SEPTIN9: variants seen among roughly 807,000 people sequenced by gnomAD.
SEPTIN9 encodes the protein septin 9, also known as septin-9.
A neutral mutation model predicts 56.6 loss-of-function variants in SEPTIN9; 13 were observed. The observed-to-expected ratio is 0.23, with a 90% CI of 0.15 to 0.37. SEPTIN9 has a LOEUF of 0.37. SEPTIN9 is among the 10% of genes least tolerant of loss of function. The pLI is 1.00. For synonymous variants in SEPTIN9, 332 were observed against 334.1 expected (o/e 0.99, Z 0.07); for missense variants, 650 against 823.1 (o/e 0.79, Z 2.57).
At chr17:77,316,853 C>T (rs1420755943) in intron 2 of SEPTIN9, among the ~76,000 whole-genome samples, 7 of 152,072 alleles carry the variant, frequency 4.6e-5, no homozygotes, top group Non-Finnish European at 1.0e-4. Flanking sequence ...ATTACAGGCA[C>T]GTGCCACCTT....
At chr17:77,328,611 C>T (rs2033235499) in intron 2 of SEPTIN9, among the ~76,000 whole-genome samples, 1 of 152,202 alleles carries the variant, frequency 6.6e-6, no homozygotes, top group Non-Finnish European at 1.5e-5. Flanking sequence ...AGTGATCCAC[C>T]CAGCTTGGCC....
intron 1 of SEPTIN9, among the ~76,000 whole-genome samples, chr17:77,285,537 A>C (rs921785077): frequency 6.6e-6 from 1 of 152,194 alleles, no homozygotes; most frequent in Non-Finnish European, 1.5e-5. Flanking sequence ...AGCTGGGATT[A>C]CAGGCATGTG....
chr17:77,495,786 C>T (rs906460101), intron 10 of SEPTIN9, among the ~76,000 whole-genome samples: 8 of 152,212 alleles, frequency 5.3e-5, no homozygotes, highest in African/African-American at 1.7e-4. Context: ...CAAAGGCAAC[C>T]GGCATAGCAC....
chr17:77,359,955 A>G (rs918930182), intron 2 of SEPTIN9, among the ~76,000 whole-genome samples: 1 of 152,132 alleles, frequency 6.6e-6, no homozygotes, highest in Non-Finnish European at 1.5e-5. Flanking sequence ...ACCTGAGGTC[A>G]GGAGTTTGAG....
At chr17:77,356,406 G>GT (rs2034240562) in intron 2 of SEPTIN9, among the ~76,000 whole-genome samples, 1 of 151,832 alleles carries the variant, frequency 6.6e-6, no homozygotes, top group Admixed American at 6.6e-5. Flanking sequence ...CGGGTTGAGT[G>GT]TAACTCCCAG....
At chr17:77,484,942 A>G (rs909739340) in intron 4 of SEPTIN9, among the ~76,000 whole-genome samples, 120 of 2,550 alleles carry the variant, frequency 0.047, 1 homozygote, top group South Asian at 0.062. Context: ...TGGTGATGGG[A>G]GTGATGCTGG....
At chr17:77,447,094 GCTTT>G (rs1361684881) in intron 3 of SEPTIN9, 4 of 167,064 alleles carry the variant, frequency 2.4e-5, no homozygotes, top group Non-Finnish European at 2.9e-5. Flanking sequence ...CCACCAGAAT[GCTTT>G]CTGTCTCCAT....
intron 1 of SEPTIN9, among the ~76,000 whole-genome samples, chr17:77,286,061 C>T (rs1056436292): frequency 1.3e-5 from 2 of 152,260 alleles, no homozygotes; most frequent in African/African-American, 4.8e-5. Flanking sequence ...CTCCTCACGT[C>T]CAAGCTTGTC....
Position 77,498,821 on chromosome 17 carries a change from G to A in SEPTIN9, c.*163G>A. 1.6e-6 allele frequency: 1 copy of A among 633,226 alleles called. No individual in the cohort carries two copies. Among genetic ancestry groups the A allele is most frequent in the Non-Finnish European group, 2.9e-6 (1 of 343,480 alleles). 39.2% of individuals were successfully genotyped at this position (633,226 alleles called of 1,614,324 possible). On this transcript the variant is annotated 3_prime_UTR_variant, in exon 12 of 12. Transcript: ENST00000427177. ...AACAAGGGAAGGGGCCTCCCTCCGA[G>A]TGAGTCAGTGATGAGGCCGCGGCCT...
In SEPTIN9 at chr17:77,388,810, C is replaced by CTTTTTTTTTTTTT. The variant is rs5822196; in HGVS notation, c.77-13237_77-13225dup. ...GCCAAGTGGCCCCTGGTGTTAGGCG[C>CTTTTTTTTTTTTT]TTTTTTTTTTTTTTTTTTTTTTTTG... On this transcript the variant is annotated intron_variant, in intron 2 of 11. Transcript: ENST00000427177. 2.4e-3 allele frequency among the ~76,000 whole-genome samples: 186 copies of CTTTTTTTTTTTTT among 78,032 alleles called. 2 individuals carry two copies. Among genetic ancestry groups the CTTTTTTTTTTTTT allele is most frequent in the East Asian group, 6.5e-3 (11 of 1,700 alleles). 51.2% of individuals were successfully genotyped at this position (78,032 alleles called of 152,430 possible). A position where few individuals can be genotyped will look rare whatever the true frequency, so the allele number is the denominator to read the frequency against.
intron 3 of SEPTIN9, among the ~76,000 whole-genome samples, chr17:77,412,645 G>C (rs1310309500): frequency 6.6e-6 from 1 of 151,986 alleles, no homozygotes; most frequent in Non-Finnish European, 1.5e-5. Flanking sequence ...AGGATCATTT[G>C]AGTCTGGGAG....
At chr17:77,477,888 G>C (rs1047584150) in intron 3 of SEPTIN9, among the ~76,000 whole-genome samples, 1 of 152,146 alleles carries the variant, frequency 6.6e-6, no homozygotes. Flanking sequence ...CTGGATACCC[G>C]AAAGAATGGA....
chr17:77,482,910 GC>G (rs1035269315), intron 4 of SEPTIN9: 4 of 255,008 alleles, frequency 1.6e-5, no homozygotes, highest in Non-Finnish European at 3.0e-5. Context: ...TGTTTCCAAA[GC>G]CCCCCAGGTC....
At chr17:77,477,941 C>G (rs1318321429) in intron 3 of SEPTIN9, among the ~76,000 whole-genome samples, 2 of 152,104 alleles carry the variant, frequency 1.3e-5, no homozygotes. Context: ...GTGTTCGTAG[C>G]AGGGCGAGGC....
Position 77,435,321 on chromosome 17 carries a change from C to T in SEPTIN9, c.721+32618C>T, listed in dbSNP as rs573707087. Among the ~76,000 whole-genome samples the T allele has an allele frequency of 1.5e-4, 23 of 152,270 alleles. No homozygotes were observed. The South Asian group carries it at 2.9e-3, about 19-fold the overall frequency. On this transcript the variant is annotated intron_variant, in intron 3 of 11. Coordinates refer to ENST00000427177, the MANE Select transcript of SEPTIN9 (RefSeq NM_001113491.2). This position sits in a 1 kb window ranked among gnomAD's most constrained non-coding sequence, Gnocchi z 4.5. ...AGGAGTGCAGTGACTTGGCCAGCTT[C>T]GCACGGCAGGTTAGTGGCAGAGCTG...
At chr17:77,422,879 A>G (rs1410101003) in intron 3 of SEPTIN9, among the ~76,000 whole-genome samples, 1 of 152,098 alleles carries the variant, frequency 6.6e-6, no homozygotes, top group Non-Finnish European at 1.5e-5. Context: ...TCCAGGGGAC[A>G]CTTGTGCCTG....
intron 3 of SEPTIN9, among the ~76,000 whole-genome samples, chr17:77,477,545 G>C (rs1184214972): frequency 6.6e-6 from 1 of 152,220 alleles, no homozygotes; most frequent in Non-Finnish European, 1.5e-5. Flanking sequence ...GTTGGCGGAT[G>C]TGTTAGTTAT....
At chr17:77,490,131 C>T (rs554086543) in intron 7 of SEPTIN9, among the ~76,000 whole-genome samples, 21 of 152,338 alleles carry the variant, frequency 1.4e-4, no homozygotes, top group African/African-American at 4.8e-4. Flanking sequence ...AACTTCTGCC[C>T]GGAGCGGGCT....
At position 77,429,242 on chromosome 17, in the gene SEPTIN9, C is replaced by T. The variant is rs541139680; in HGVS notation, c.721+26539C>T. The T allele has an allele frequency of 2.8e-5, 13 of 471,006 alleles. No homozygotes were observed. The highest frequency in any genetic ancestry group is 1.2e-4 in the South Asian group (8 of 64,570). The allele number at this position is 471,006 out of a possible 1,614,324, so 29.2% of individuals were successfully genotyped here. ...GGAGGAAATTGCAGGTGGAGAAGCT[C>T]GTTGACCGTGACCTTGATCTGACCG... is the stretch of plus-strand genomic sequence containing the variant. On this transcript the variant is annotated intron_variant, in intron 3 of 11. Coordinates refer to ENST00000427177, the MANE Select transcript of SEPTIN9 (RefSeq NM_001113491.2). This position sits in a 1 kb window ranked among gnomAD's most constrained non-coding sequence, Gnocchi z 5.2.
Sources: gnomAD v4.1 joint callset for allele counts (sites outside exome capture counted in the v4.1 genomes callset) on GRCh38, gnomAD v4.1.1 for gene constraint, Gnocchi (gnomAD v3.1) non-coding constraint, MANE v1.5 for transcripts, NCBI Gene and HGNC (gene_info 2026-07-23, HGNC 2026-07-21) for gene names.